The following UXS1 variants were observed in gnomAD, a reference collection of about 807,000 sequenced individuals.
UXS1 encodes UDP-glucuronate decarboxylase 1.
In UXS1, 33 loss-of-function variants were observed where a neutral mutation model predicts 62.6. The observed-to-expected ratio is 0.53, with a 90% CI of 0.40 to 0.70. The LOEUF is 0.70. Ranked by LOEUF, UXS1 falls within the 30% of genes least tolerant of loss-of-function variation. The probability of loss-of-function intolerance (pLI) is 0.00; values close to 1 mark genes in which losing one functional copy is unlikely to be tolerated. For synonymous variants in UXS1, 213 were observed against 206.8 expected, an observed-to-expected ratio of 1.03 and a Z score of -0.26; for missense variants, 434 against 556.3, an observed-to-expected ratio of 0.78 and a Z score of 2.21.
At chr2:106,144,127 GACCTCAGTTA>G (rs1335731457) in intron 6 of UXS1, among the ~76,000 whole-genome samples, 1 of 152,206 alleles carries the variant, frequency 6.6e-6, no homozygotes, top group Non-Finnish European at 1.5e-5. Flanking sequence ...TCACATGTAT[GACCTCAGTTA>G]ACCCCACAGC....
chr2:106,164,892 C>G, intron 2 of UXS1, 93 bp from the exon 3 acceptor site: 2 of 840,962 alleles, frequency 2.4e-6, no homozygotes, highest in Non-Finnish European at 3.7e-6. Flanking sequence ...CAGACCACCT[C>G]TGTCTCCTGC....
At chr2:106,157,942 A>AT (rs1354670995) in intron 5 of UXS1, 116 bp downstream of exon 5, 17 of 914,840 alleles carry the variant, frequency 1.9e-5, no homozygotes, top group Non-Finnish European at 2.8e-5. Flanking sequence ...TGGACATACT[A>AT]TAAGCCACTG....
At chr2:106,098,677 A>G (rs1256833610) in intron 13 of UXS1, 39 bp downstream of exon 13, 1 of 1,546,536 alleles carries the variant, frequency 6.5e-7, no homozygotes, top group South Asian at 1.1e-5. Context: ...TAGGGCAGGC[A>G]CAGTCGATTT....
intron 4 of UXS1, 41 bp downstream of exon 4, chr2:106,163,626 C>G: frequency 7.2e-7 from 1 of 1,381,384 alleles, no homozygotes; most frequent in Non-Finnish European, 9.7e-7. Flanking sequence ...TTGAGACAAA[C>G]TTATTTTAAC....
intron 2 of UXS1, among the ~76,000 whole-genome samples, 170 bp from the exon 3 acceptor site, chr2:106,164,969 AG>A (rs1683121815): frequency 6.6e-6 from 1 of 152,212 alleles, no homozygotes; most frequent in Non-Finnish European, 1.5e-5. Flanking sequence ...AGACAACCAA[AG>A]GGAAGGACTC....
At chr2:106,175,352 G>C (rs1321348692) in intron 1 of UXS1, among the ~76,000 whole-genome samples, 4 of 152,202 alleles carry the variant, frequency 2.6e-5, no homozygotes. Flanking sequence ...CATCTAAGTT[G>C]AAAAACAGTT....
chr2:106,096,664 C>T, intron 14 of UXS1, 54 bp downstream of exon 14: 4 of 1,484,066 alleles, frequency 2.7e-6, no homozygotes, highest in Non-Finnish European at 3.6e-6. Flanking sequence ...GGACAGCAGA[C>T]ACAGGACACG....
chr2:106,150,960 G>A (rs961443146), intron 5 of UXS1, among the ~76,000 whole-genome samples: 2 of 152,212 alleles, frequency 1.3e-5, no homozygotes, highest in Non-Finnish European at 2.9e-5. Context: ...GGAGCATTAC[G>A]ATTTGATCTT....
chr2:106,158,210 G>A (rs1259496152), intron 4 of UXS1, 92 bp from the exon 5 acceptor site: 2 of 1,138,550 alleles, frequency 1.8e-6, no homozygotes, highest in African/African-American at 3.1e-5. Context: ...CCAGGTTTTG[G>A]GACTGTTATT....
Position 106,125,608 on chromosome 2 carries a change from C to A in UXS1, c.637+12G>T. On this transcript the variant is annotated intron_variant, in intron 8 of 14. Transcript: ENST00000283148. ...CTGGAGTGAACATCTCCTGAGAGAG[C>A]CTCCTACTCACCTCCATACACCTCC... 1.3e-6 allele frequency: 2 copies of A among 1,560,150 alleles called. No homozygotes were observed. The highest frequency in any genetic ancestry group is 1.7e-6 in the Non-Finnish European group (2 of 1,152,594).
intron 1 of UXS1, among the ~76,000 whole-genome samples, chr2:106,177,495 C>T (rs1459631652): frequency 6.6e-6 from 1 of 152,104 alleles, no homozygotes; most frequent in East Asian, 1.9e-4. Context: ...CAAGCCCGGC[C>T]TAGCTACATG....
At chr2:106,111,335 G>A (rs1350709918) in intron 10 of UXS1, among the ~76,000 whole-genome samples, 2 of 152,200 alleles carry the variant, frequency 1.3e-5, no homozygotes, top group African/African-American at 2.4e-5. Context: ...AGTGACAGGG[G>A]GAGGTGGGAG....
At chr2:106,159,992 T>G (rs921055446) in intron 4 of UXS1, 3 of 152,178 alleles carry the variant, frequency 2.0e-5, no homozygotes, top group Non-Finnish European at 4.4e-5. Flanking sequence ...GGCTCCCCCT[T>G]GTGAGCTCAC....
intron 10 of UXS1, among the ~76,000 whole-genome samples, chr2:106,106,453 T>C (rs1678080602): frequency 6.6e-6 from 1 of 152,202 alleles, no homozygotes; most frequent in African/African-American, 2.4e-5. Flanking sequence ...ATCTCTGTTT[T>C]CTTAATAAAC....
At chr2:106,171,915 T>C (rs1683586272) in intron 1 of UXS1, among the ~76,000 whole-genome samples, 1 of 152,268 alleles carries the variant, frequency 6.6e-6, no homozygotes, top group African/African-American at 2.4e-5. Flanking sequence ...CACGCCCTTC[T>C]TTATAGTATG....
Position 106,112,707 on chromosome 2 carries a change from A to G in UXS1, c.818T>C (p.Met273Thr). 1 of 1,614,028 alleles carries G rather than the reference A, an allele frequency of 6.2e-7. No individual in the cohort carries two copies. Among genetic ancestry groups the G allele is most frequent in the Non-Finnish European group, 8.5e-7 (1 of 1,179,898 alleles). ...IFNTFGPRMH[M>T]NDGRVVSNFI... ...GTTGCTGACTACTCGCCCATCGTTC[A>G]TGTGCATGCGTGGCCCAAAGGTGTT... Residue 273 changes from methionine to threonine, a missense_variant, in exon 10 of 15, where the codon ATG becomes ACG. Physicochemically the swap from Met to Thr is moderately conservative, Grantham distance 81 (BLOSUM62 -1). Coordinates refer to ENST00000283148, the MANE Select transcript of UXS1 (RefSeq NM_001253875.2).
chr2:106,140,078 C>T (rs973463996), intron 6 of UXS1, among the ~76,000 whole-genome samples: 3 of 152,200 alleles, frequency 2.0e-5, no homozygotes, highest in African/African-American at 7.2e-5. Context: ...AGTATAAAGA[C>T]CAAATTTCTC....
rs940891515 is a variant in UXS1, at chr2:106,141,820, G to GA, written c.472+3369dup. ...TACCTATTAAGCATGTTTTTAATTGGAAAAAAAATCACATTTAGGAAAACA... is the reference window on the plus strand; with the variant it reads ...TACCTATTAAGCATGTTTTTAATTGGAAAAAAAAATCACATTTAGGAAAACA... On this transcript the variant is annotated intron_variant, in intron 6 of 14. Transcript: ENST00000283148. Among the ~76,000 whole-genome samples the GA allele has an allele frequency of 3.1e-4, 45 of 146,588 alleles. No homozygotes were observed. The South Asian group carries it at 4.6e-3, about 15-fold the overall frequency.
chr2:106,164,426 G>A (rs1334100239), intron 3 of UXS1, among the ~76,000 whole-genome samples: 1 of 152,020 alleles, frequency 6.6e-6, no homozygotes, highest in Admixed American at 6.6e-5. Context: ...GCCAGTGAGA[G>A]GATGTTTGTA....
Sources: gnomAD v4.1 joint callset for allele counts (sites outside exome capture counted in the v4.1 genomes callset) on GRCh38, gnomAD v4.1.1 for gene constraint, MANE v1.5 for transcripts, NCBI Gene and HGNC (gene_info 2026-07-23, HGNC 2026-07-21) for gene names.